Variants in TUBGCP2 observed in about 807,000 individuals in gnomAD.
TUBGCP2 encodes the protein gamma-tubulin complex component 2.
In TUBGCP2, 55 loss-of-function variants were observed where a neutral mutation model predicts 92.2. The ratio of observed to expected loss-of-function variants is 0.60; its 90% CI spans 0.48 to 0.75. The LOEUF (loss-of-function observed/expected upper bound fraction) is 0.75. TUBGCP2 is among the 30% of genes least tolerant of loss of function. TUBGCP2 has a pLI of 0.00. For synonymous variants in TUBGCP2, 533 were observed against 505.2 expected, an observed-to-expected ratio of 1.06 and a Z score of -0.74; for missense variants, 1,093 against 1,188.9, an observed-to-expected ratio of 0.92 and a Z score of 1.19.
rs1847363458 is a variant in TUBGCP2, at chr10:133,292,343, ACACT to A, written c.1214+152_1214+155del. 2.2e-3 allele frequency among the ~76,000 whole-genome samples: 2 copies of A among 930 alleles called. 1 individual carries two copies. Among genetic ancestry groups the A allele is most frequent in the Non-Finnish European group, 4.3e-3 (2 of 470 alleles). 0.6% of individuals were successfully genotyped at this position (930 alleles called of 152,430 possible). A position where few individuals can be genotyped will look rare whatever the true frequency, so the allele number is the denominator to read the frequency against. ...ACCTGTACGGGAGAGGGCAGCATGC[ACACT>A]CCGTGTCCCCCGTGTCCCTCCGTGT... On this transcript the variant is annotated intron_variant, in intron 8 of 17. Transcript: ENST00000252936.
intron 1 of TUBGCP2, among the ~76,000 whole-genome samples, chr10:133,304,508 G>T (rs146555808): frequency 6.6e-6 from 1 of 152,168 alleles, no homozygotes; most frequent in Non-Finnish European, 1.5e-5. Flanking sequence ...AATTCTCAAA[G>T]GCTCTATGAC....
chr10:133,303,882 T>C (rs1011009134), intron 1 of TUBGCP2, among the ~76,000 whole-genome samples: 1 of 152,122 alleles, frequency 6.6e-6, no homozygotes, highest in Non-Finnish European at 1.5e-5. Flanking sequence ...ATCGAAGGCG[T>C]CACAGACACC....
chr10:133,301,113 T>C (rs959860889), intron 2 of TUBGCP2, among the ~76,000 whole-genome samples: 3 of 152,202 alleles, frequency 2.0e-5, no homozygotes, highest in Non-Finnish European at 4.4e-5. Context: ...AATTTGTTAT[T>C]ATGTGCAACC....
At position 133,290,277 on chromosome 10, in the gene TUBGCP2, G is replaced by A. The variant is rs145243267; in HGVS notation, c.1215-308C>T. 1,657 of 292,934 alleles carry A rather than the reference G, an allele frequency of 5.7e-3. 12 individuals are homozygous for A. The highest frequency in any genetic ancestry group is 0.019 in the East Asian group (290 of 14,952). The allele number at this position is 292,934 out of a possible 1,614,324, so 18.1% of individuals were successfully genotyped here. ...TGGGAGGCTGAGGTGGGCAGATCACGAAGTCAAGAGATCAAGACCATCCTG... is the reference window on the plus strand; with the variant it reads ...TGGGAGGCTGAGGTGGGCAGATCACAAAGTCAAGAGATCAAGACCATCCTG... On this transcript the variant is annotated intron_variant, in intron 8 of 17. Transcript: ENST00000252936.
At chr10:133,301,567 T>C (rs1375758391) in intron 2 of TUBGCP2, 1 of 152,204 alleles carries the variant, frequency 6.6e-6, no homozygotes, top group Non-Finnish European at 1.5e-5. Flanking sequence ...TGAAGCTTCA[T>C]AATGTATTTT....
Position 133,299,674 on chromosome 10 carries a change from G to A in TUBGCP2, c.280-71C>T, listed in dbSNP as rs11101685. The A allele has an allele frequency of 1.4e-3, 1,948 of 1,356,610 alleles. 26 individuals are homozygous for A. The African/African-American group carries it at 0.026, about 18-fold the overall frequency. The allele number at this position is 1,356,610 out of a possible 1,614,324, so 84.0% of individuals were successfully genotyped here. A position where few individuals can be genotyped will look rare whatever the true frequency, so the allele number is the denominator to read the frequency against. On this transcript the variant is annotated intron_variant, in intron 3 of 17. Coordinates refer to ENST00000252936, the MANE Select transcript of TUBGCP2 (RefSeq NM_006659.4). ...TTGGCCATAGGGGGAGAGTAGGGAC[G>A]ACACCACCAGGACGGCTCCCCAACC...
chr10:133,311,757 C>T (rs1428875572), upstream of TUBGCP2: 1 of 1,613,730 alleles, frequency 6.2e-7, no homozygotes, highest in Non-Finnish European at 8.5e-7. Flanking sequence ...GGAGAGCGGT[C>T]AGAAGGGGAG....
chr10:133,300,010 A>G lies in TUBGCP2; in HGVS notation c.254T>C (p.Leu85Ser). Residue 85 changes from leucine to serine, a missense_variant, in exon 3 of 18, where the codon TTG (leucine) becomes TCG (serine). Transcript: ENST00000252936. ...CTCTTTGTCTTCCGTGAGCTTTGAC[A>G]ACAGGTACACCAGCGGGTCAAGGTT... The part of the protein sequence containing the change: ...TRNLDPLVYL[L>S]SKLTEDKETL... The G allele has an allele frequency of 2.5e-6, 4 of 1,614,140 alleles. No homozygotes were observed. The highest frequency in any genetic ancestry group is 3.4e-6 in the Non-Finnish European group (4 of 1,180,018).
In TUBGCP2 at chr10:133,292,708, C is replaced by T; in HGVS notation, c.1025-20G>A. On this transcript the variant is annotated intron_variant, in intron 7 of 17. Transcript: ENST00000252936. ...AGGTGGCTGTGGGGAGAAAGGAGGG[C>T]TCACTGCTGAGAAGGAAGCGCACGC... The T allele has an allele frequency of 6.2e-7, 1 of 1,607,252 alleles. No homozygotes were observed. Among genetic ancestry groups the T allele is most frequent in the Non-Finnish European group, 8.5e-7 (1 of 1,176,644 alleles).
At chr10:133,294,489 C>T (rs777885249) in intron 5 of TUBGCP2, among the ~76,000 whole-genome samples, 34 of 152,244 alleles carry the variant, frequency 2.2e-4, no homozygotes, top group Non-Finnish European at 3.8e-4. Flanking sequence ...ATCACTCTGT[C>T]AGCCTCACAC....
intron 5 of TUBGCP2, 43 bp downstream of exon 5, chr10:133,297,909 C>T: frequency 6.2e-7 from 1 of 1,603,692 alleles, no homozygotes. Context: ...ATCAACGCAT[C>T]ACGTACCTAT....
At chr10:133,311,824 G>C, upstream of TUBGCP2, 1 of 1,613,338 alleles carries the variant, frequency 6.2e-7, no homozygotes, top group South Asian at 1.1e-5. Flanking sequence ...CAGGTGAGAG[G>C]CGGATCTACA....
At chr10:133,302,504 G>A (rs998991763) in intron 2 of TUBGCP2, 16 of 406,724 alleles carry the variant, frequency 3.9e-5, no homozygotes, top group Non-Finnish European at 4.1e-5. Flanking sequence ...ACCCAGGGGC[G>A]GTGCTCATCA....
At chr10:133,309,195 C>A, upstream of TUBGCP2, 1 of 1,209,308 alleles carries the variant, frequency 8.3e-7, no homozygotes, top group African/African-American at 1.7e-5. Context: ...CCTACGACTG[C>A]GGGGCGGGGC....
intron 13 of TUBGCP2, among the ~76,000 whole-genome samples, chr10:133,284,797 C>T (rs894096381): frequency 1.3e-5 from 2 of 152,260 alleles, no homozygotes; most frequent in African/African-American, 4.8e-5. Context: ...TGCACACCGA[C>T]CTGGGCAGTC....
At chr10:133,303,461 GGT>G (rs1847729198) in intron 1 of TUBGCP2, among the ~76,000 whole-genome samples, 1 of 152,212 alleles carries the variant, frequency 6.6e-6, no homozygotes, top group Non-Finnish European at 1.5e-5. Flanking sequence ...TCCACACATG[GGT>G]CTGGGCCAGC....
intron 8 of TUBGCP2, among the ~76,000 whole-genome samples, chr10:133,292,061 CCT>C (rs1338026828): frequency 3.2e-4 from 4 of 12,662 alleles, no homozygotes; most frequent in African/African-American, 1.2e-3. Context: ...CCCCCATGTC[CCT>C]CCGTGTCCCC....
chr10:133,298,624 G>A lies in TUBGCP2; in HGVS notation c.457-513C>T, dbSNP rs1416753093. On this transcript the variant is annotated intron_variant, in intron 4 of 17. Transcript: ENST00000252936. ...AGCCTGCCCTCCTGCGCCAGTGGCC[G>A]CCAGAGGCTGATGGGGTCGGCCTGG... 5.3e-5 allele frequency among the ~76,000 whole-genome samples: 8 copies of A among 152,262 alleles called. No individual in the cohort carries two copies. In the South Asian group the frequency reaches 8.3e-4, roughly 16 times the overall value.
chr10:133,284,280 G>T (rs1048670906), intron 13 of TUBGCP2, among the ~76,000 whole-genome samples: 2 of 152,254 alleles, frequency 1.3e-5, no homozygotes, highest in African/African-American at 4.8e-5. Flanking sequence ...TTGGTGGACG[G>T]ACCCCTCGGA....
Sources: gnomAD v4.1 joint callset for allele counts (sites outside exome capture counted in the v4.1 genomes callset) on GRCh38, gnomAD v4.1.1 for gene constraint, MANE v1.5 for transcripts, NCBI Gene and HGNC (gene_info 2026-07-23, HGNC 2026-07-21) for gene names.